Variants in CABIN1 observed in about 807,000 individuals in gnomAD.
CABIN1 encodes calcineurin-binding protein cabin-1.
CABIN1 carries 133 observed loss-of-function variants against 227.7 expected under a neutral mutation model. That is an observed-to-expected ratio of 0.58 (90% confidence interval 0.51 to 0.67). The LOEUF is 0.67. Among genes scored for constraint, CABIN1 ranks in the 30% least tolerant of loss-of-function variants. The pLI, the probability that CABIN1 is intolerant of heterozygous loss-of-function variation, is 0.00. For synonymous variants in CABIN1, 1,086 were observed against 1,155.1 expected (o/e 0.94, Z 1.21); for missense variants, 2,408 against 2,852.5 (o/e 0.84, Z 3.55).
chr22:24,145,685 C>T (rs1287586413), intron 29 of CABIN1, among the ~76,000 whole-genome samples: 1 of 152,170 alleles, frequency 6.6e-6, no homozygotes, highest in Admixed American at 6.5e-5. Flanking sequence ...TGTCTGTCCT[C>T]CAATGGACAG....
chr22:24,118,532 C>T (rs1175582100), intron 27 of CABIN1, among the ~76,000 whole-genome samples: 1 of 152,162 alleles, frequency 6.6e-6, no homozygotes, highest in Non-Finnish European at 1.5e-5. Context: ...CTGGCTGCTT[C>T]TCTGGCCTCC....
chr22:24,150,917 A>G (rs1346410419), intron 29 of CABIN1, among the ~76,000 whole-genome samples: 2 of 152,146 alleles, frequency 1.3e-5, no homozygotes, highest in South Asian at 2.1e-4. Context: ...GGAGGGTGCT[A>G]TGCTTGGGTC....
At chr22:24,065,154 C>G (rs1353815783) in intron 15 of CABIN1, among the ~76,000 whole-genome samples, 4 of 150,166 alleles carry the variant, frequency 2.7e-5, no homozygotes, top group African/African-American at 9.9e-5. Context: ...GCTGACCCCC[C>G]ACCTCCCTCC....
chr22:24,035,768 C>T (rs2036830807), intron 2 of CABIN1, among the ~76,000 whole-genome samples: 1 of 152,108 alleles, frequency 6.6e-6, no homozygotes, highest in Admixed American at 6.5e-5. Context: ...TCTGTTGTTC[C>T]ATTACCTGGG....
At chr22:24,104,318 G>T (rs1223348161) in intron 26 of CABIN1, among the ~76,000 whole-genome samples, 2 of 152,230 alleles carry the variant, frequency 1.3e-5, no homozygotes, top group Non-Finnish European at 2.9e-5. Context: ...CTGTTCACCT[G>T]CCTTTGGTCA....
chr22:24,044,042 C>T (rs892680054), intron 6 of CABIN1, among the ~76,000 whole-genome samples: 1 of 152,158 alleles, frequency 6.6e-6, no homozygotes, highest in African/African-American at 2.4e-5. Flanking sequence ...TGATGCTCCG[C>T]CCTTGATGCC....
At position 24,091,846 on chromosome 22, in the gene CABIN1, G is replaced by A; in HGVS notation, c.3786+3G>A. On this transcript the variant is annotated splice_donor_region_variant and intron_variant, in intron 24 of 36. Coordinates refer to ENST00000263119, the MANE Select transcript of CABIN1 (RefSeq NM_012295.4). ...AGCTGGCCATGGAGGCCCTGGAGGT[G>A]ACACCATGCTGGCCCAGGGCGGGGA... 6.2e-7 allele frequency: 1 copy of A among 1,612,924 alleles called. No individual in the cohort carries two copies. Among genetic ancestry groups the A allele is most frequent in the African/African-American group, 1.3e-5 (1 of 75,044 alleles).
At position 24,156,095 on chromosome 22, in the gene CABIN1, CG is replaced by C. The variant is rs747432809; in HGVS notation, c.4747-8300del. On this transcript the variant is annotated intron_variant, in intron 29 of 36. Transcript: ENST00000263119. Reference sequence around the variant, plus strand: ...CCGGCGGGTAGGAACTTGGCGGGGGCGGGGGCCGGGACTGGGGCCGGGACTG... The same window carrying C: ...CCGGCGGGTAGGAACTTGGCGGGGGCGGGGCCGGGACTGGGGCCGGGACTG... The C allele has an allele frequency of 6.0e-5, 25 of 413,476 alleles. No individual in the cohort carries two copies. The East Asian group carries it at 8.3e-4, about 14-fold the overall frequency. 25.6% of individuals were successfully genotyped at this position (413,476 alleles called of 1,614,324 possible).
chr22:24,017,096 G>T (rs1206327607), intron 1 of CABIN1, among the ~76,000 whole-genome samples: 2 of 148,882 alleles, frequency 1.3e-5, no homozygotes, highest in African/African-American at 5.0e-5. Flanking sequence ...GAGTGCAATG[G>T]CGCGATCTCG....
chr22:24,102,861 T>C (rs927928729), intron 26 of CABIN1, among the ~76,000 whole-genome samples: 5 of 152,052 alleles, frequency 3.3e-5, no homozygotes, highest in African/African-American at 1.2e-4. Context: ...TGGGCCTCAC[T>C]GGAGAGCCCA....
At chr22:24,100,244 G>C (rs887403541) in intron 26 of CABIN1, among the ~76,000 whole-genome samples, 1 of 152,210 alleles carries the variant, frequency 6.6e-6, no homozygotes, top group African/African-American at 2.4e-5. Context: ...CTGGCCACCT[G>C]TGTGCTCTGC....
At position 24,171,872 on chromosome 22, in the gene CABIN1, G is replaced by A. The variant is rs143452271; in HGVS notation, c.5917G>A (p.Ala1973Thr). ...HTKPRPALAA[A>T]TTIITCPPSA... ...CAAGCCTCGCCCTGCACTAGCTGCC[G>A]CCACAACTATTATCACCTGCCCTCC... Residue 1973 changes from alanine to threonine, a missense_variant, in exon 34 of 37, where the codon GCC (alanine) becomes ACC (threonine). Coordinates refer to ENST00000263119, the MANE Select transcript of CABIN1 (RefSeq NM_012295.4). 2.0e-5 allele frequency: 32 copies of A among 1,613,960 alleles called. No individual in the cohort carries two copies. In the African/African-American group the frequency reaches 2.5e-4, roughly 13 times the overall value.
intron 22 of CABIN1, among the ~76,000 whole-genome samples, chr22:24,085,789 A>G (rs1402444873): frequency 6.6e-6 from 1 of 152,164 alleles, no homozygotes; most frequent in Non-Finnish European, 1.5e-5. Flanking sequence ...ATTAAGAGGG[A>G]ATATTTTTTC....
Position 24,095,487 on chromosome 22 carries a change from G to A in CABIN1, c.3787-444G>A, listed in dbSNP as rs534196123. Among the ~76,000 whole-genome samples the A allele has an allele frequency of 3.6e-4, 52 of 143,350 alleles. 2 individuals are homozygous for A. The highest frequency in any genetic ancestry group is 1.1e-4 in the African/African-American group (4 of 37,960). 94.0% of individuals were successfully genotyped at this position (143,350 alleles called of 152,430 possible). A position where few individuals can be genotyped will look rare whatever the true frequency, so the allele number is the denominator to read the frequency against. On this transcript the variant is annotated intron_variant, in intron 24 of 36. Transcript: ENST00000263119. ...GGCCTGTGGGTGCCTGGCTTTGCCT[G>A]GGGGCTGGGCTATAAACAGAAATCC...
chr22:24,124,836 TCTG>T (rs1011309508), intron 28 of CABIN1, among the ~76,000 whole-genome samples: 155 of 152,244 alleles, frequency 1.0e-3, no homozygotes, highest in African/African-American at 3.5e-3. Flanking sequence ...TCCTGCTACT[TCTG>T]CTGCAAGGGG....
chr22:24,025,780 T>C (rs1601666439), intron 1 of CABIN1, among the ~76,000 whole-genome samples: 1 of 152,178 alleles, frequency 6.6e-6, no homozygotes, highest in South Asian at 2.1e-4. Flanking sequence ...GCTGAAGTTA[T>C]CCTCCCACTC....
chr22:24,077,812 T>A (rs1277539920), intron 19 of CABIN1, among the ~76,000 whole-genome samples: 59 of 151,966 alleles, frequency 3.9e-4, no homozygotes, highest in Non-Finnish European at 5.9e-5. Flanking sequence ...TGGGTGGGAG[T>A]GGTGCTAAGA....
At chr22:24,143,317 G>A (rs183081584) in intron 29 of CABIN1, among the ~76,000 whole-genome samples, 18 of 152,310 alleles carry the variant, frequency 1.2e-4, no homozygotes, top group Non-Finnish European at 2.1e-4. Flanking sequence ...AGTGGGCAGG[G>A]GGATGTGGGC....
chr22:24,023,218 A>G lies in CABIN1; in HGVS notation c.-75+11851A>G, dbSNP rs2035850619. Among the ~76,000 whole-genome samples the G allele has an allele frequency of 3.9e-5, 6 of 152,250 alleles. No individual in the cohort carries two copies. The South Asian group carries it at 1.2e-3, about 31-fold the overall frequency. ...GGTTCATTCATGTTATAGAGCATGT[A>G]TCACAATTTCATTCCTTTTTGTGGC... On this transcript the variant is annotated intron_variant, in intron 1 of 36. Coordinates refer to ENST00000263119, the MANE Select transcript of CABIN1 (RefSeq NM_012295.4).
Sources: gnomAD v4.1 joint callset for allele counts (sites outside exome capture counted in the v4.1 genomes callset) on GRCh38, gnomAD v4.1.1 for gene constraint, MANE v1.5 for transcripts, NCBI Gene and HGNC (gene_info 2026-07-23, HGNC 2026-07-21) for gene names.